RBFOX1: variants seen among roughly 807,000 people sequenced by gnomAD.
RBFOX1 encodes RNA binding fox-1 homolog 1.
RBFOX1 carries 8 observed loss-of-function variants against 57.7 expected under a neutral mutation model. That is an observed-to-expected ratio of 0.14 (90% CI 0.08 to 0.25). The LOEUF is 0.25. Ranked by LOEUF, RBFOX1 falls within the 10% of genes least tolerant of loss-of-function variation. RBFOX1 has a pLI of 1.00. For missense variants in RBFOX1, 611 were observed against 548.5 expected (o/e 1.11, Z -1.14); for synonymous variants, 326 against 222.4 (o/e 1.47, Z -4.15).
At chr16:7,246,325 G>C (rs2152995039) in intron 4 of RBFOX1, among the ~76,000 whole-genome samples, 1 of 152,238 alleles carries the variant, frequency 6.6e-6, no homozygotes, top group South Asian at 2.1e-4. Flanking sequence ...TGGATTCCCT[G>C]TCTCCGTCCT....
At chr16:6,946,646 A>T (rs939793580) in intron 3 of RBFOX1, among the ~76,000 whole-genome samples, 2 of 149,892 alleles carry the variant, frequency 1.3e-5, no homozygotes, top group Non-Finnish European at 3.0e-5. Flanking sequence ...TCAGTCACCC[A>T]GGCTGGAGTG....
chr16:5,627,760 A>G (rs1483878159), intron 3 of RBFOX1, among the ~76,000 whole-genome samples: 1 of 152,344 alleles, frequency 6.6e-6, no homozygotes, highest in African/African-American at 2.4e-5. Context: ...TAGCATTTAC[A>G]TTGTATTGAA....
At chr16:6,453,563 C>G (rs1051682596) in intron 2 of RBFOX1, among the ~76,000 whole-genome samples, 8 of 152,052 alleles carry the variant, frequency 5.3e-5, no homozygotes, top group Non-Finnish European at 1.0e-4. Context: ...AAAAAAAAGC[C>G]CAGGACCAGA....
At chr16:6,034,706 C>A (rs1470701085) in intron 1 of RBFOX1, among the ~76,000 whole-genome samples, 4 of 152,146 alleles carry the variant, frequency 2.6e-5, no homozygotes, top group Admixed American at 6.5e-5. Flanking sequence ...CAGTTCTTGT[C>A]ATTGCTGTTT....
At chr16:7,083,245 T>C (rs1331785147) in intron 4 of RBFOX1, among the ~76,000 whole-genome samples, 1 of 151,976 alleles carries the variant, frequency 6.6e-6, no homozygotes, top group Non-Finnish European at 1.5e-5. Flanking sequence ...AGTACAGGGA[T>C]TGTAACACCT....
At chr16:7,224,998 A>G (rs1478581779) in intron 4 of RBFOX1, among the ~76,000 whole-genome samples, 1 of 152,232 alleles carries the variant, frequency 6.6e-6, no homozygotes. Context: ...GTCAAGCACT[A>G]TGCTAAGACA....
chr16:6,146,615 A>G (rs2096760205), intron 1 of RBFOX1, among the ~76,000 whole-genome samples: 1 of 152,176 alleles, frequency 6.6e-6, no homozygotes, highest in Admixed American at 6.5e-5. Flanking sequence ...TCACAAGTGT[A>G]AAATATAAAG....
At chr16:6,072,538 T>A (rs1244128004) in intron 1 of RBFOX1, among the ~76,000 whole-genome samples, 1 of 152,208 alleles carries the variant, frequency 6.6e-6, no homozygotes, top group Non-Finnish European at 1.5e-5. Context: ...TATACTCTTT[T>A]TCCATAGTGG....
At chr16:6,859,248 C>G (rs188369813) in intron 3 of RBFOX1, among the ~76,000 whole-genome samples, 1 of 144,556 alleles carries the variant, frequency 6.9e-6, no homozygotes, top group African/African-American at 2.6e-5. Context: ...GAACATGATT[C>G]TGACTCTTTA....
Position 5,731,015 on chromosome 16 carries a change from C to A in RBFOX1, c.318+132054C>A, listed in dbSNP as rs554167178. Among the ~76,000 whole-genome samples the A allele has an allele frequency of 2.0e-5, 3 of 148,696 alleles. No homozygotes were observed. The South Asian group carries it at 6.4e-4, about 32-fold the overall frequency. Reference sequence around the variant, plus strand: ...TCACCATTACCACTGCCATTATCACCAATGTAACCGTCATCACCATGAACA... The same window carrying A: ...TCACCATTACCACTGCCATTATCACAAATGTAACCGTCATCACCATGAACA... On this transcript the variant is annotated intron_variant, in intron 3 of 19. Transcript: ENST00000641259.
intron 2 of RBFOX1, among the ~76,000 whole-genome samples, chr16:6,371,778 A>T (rs1456099774): frequency 6.6e-6 from 1 of 152,178 alleles, no homozygotes; most frequent in South Asian, 2.1e-4. Flanking sequence ...ATATATAATT[A>T]TCTTTTCAAA....
chr16:7,017,101 G>C (rs909117804), intron 3 of RBFOX1, among the ~76,000 whole-genome samples: 6 of 152,058 alleles, frequency 3.9e-5, no homozygotes, highest in African/African-American at 1.4e-4. Context: ...TCAAAAGACA[G>C]ATGGTGGCAA....
intron 3 of RBFOX1, among the ~76,000 whole-genome samples, chr16:5,778,678 G>A (rs914398143): frequency 2.6e-5 from 4 of 152,138 alleles, no homozygotes; most frequent in Admixed American, 6.5e-5. Context: ...CCTGTGCGTG[G>A]CCATCTCATA....
In RBFOX1 at chr16:5,856,298, CACACACACACACAT is replaced by C. The variant is rs1194474469; in HGVS notation, c.319-11003_319-10990del. Among the ~76,000 whole-genome samples the C allele has an allele frequency of 1.6e-3, 130 of 83,014 alleles. 6 individuals carry two copies. Among genetic ancestry groups the C allele is most frequent in the African/African-American group, 5.2e-3 (122 of 23,512 alleles). 54.5% of individuals were successfully genotyped at this position (83,014 alleles called of 152,430 possible). On this transcript the variant is annotated intron_variant, in intron 3 of 19. Coordinates refer to the RBFOX1 transcript ENST00000641259. ...ACACATATATATACACACACACACA[CACACACACACACAT>C]ATATATAGGGAAAACTGTTATATTA...
chr16:6,150,998 T>C (rs1423683023), intron 1 of RBFOX1, among the ~76,000 whole-genome samples: 2 of 152,214 alleles, frequency 1.3e-5, no homozygotes, highest in Admixed American at 6.5e-5. Context: ...TTCTCCAGGA[T>C]GGGTCCTTCT....
intron 1 of RBFOX1, among the ~76,000 whole-genome samples, chr16:5,447,378 A>ATCAATCTCTCTCTCTCTCTC (rs143837516): frequency 7.4e-6 from 1 of 134,360 alleles, no homozygotes; most frequent in African/African-American, 3.0e-5. Flanking sequence ...CAATCAATCA[A>ATCAATCTCTCTCTCTCTCTC]TCTCTCTCTC....
intron 1 of RBFOX1, among the ~76,000 whole-genome samples, chr16:6,126,713 C>T (rs1457140841): frequency 6.6e-6 from 1 of 152,018 alleles, no homozygotes; most frequent in African/African-American, 2.4e-5. Flanking sequence ...TTTTTTTACA[C>T]CAGAACTCTC....
chr16:5,858,797 T>C (rs2057137092), intron 3 of RBFOX1, among the ~76,000 whole-genome samples: 1 of 152,238 alleles, frequency 6.6e-6, no homozygotes, highest in Non-Finnish European at 1.5e-5. Context: ...GAATGGGCTC[T>C]TTCCTTTTTT....
At chr16:7,221,282 T>C (rs2092706672) in intron 4 of RBFOX1, among the ~76,000 whole-genome samples, 1 of 152,164 alleles carries the variant, frequency 6.6e-6, no homozygotes. Flanking sequence ...CAGAAGGTGA[T>C]TTGGCTAGAT....
Sources: gnomAD v4.1 joint callset for allele counts (sites outside exome capture counted in the v4.1 genomes callset) on GRCh38, gnomAD v4.1.1 for gene constraint, MANE v1.5 for transcripts, NCBI Gene and HGNC (gene_info 2026-07-23, HGNC 2026-07-21) for gene names.